Variants in PKD1 observed in about 807,000 individuals in gnomAD.
PKD1 encodes polycystin-1.
In PKD1, 81 loss-of-function variants were observed where a neutral mutation model predicts 361.7. The observed-to-expected ratio is 0.22, with a 90% confidence interval of 0.19 to 0.27. PKD1 has a LOEUF of 0.27. Among genes scored for constraint, PKD1 ranks in the 10% least tolerant of loss-of-function variants. PKD1 has a pLI of 1.00. For missense variants in PKD1, 6,399 were observed against 6,118.3 expected (o/e 1.05, Z -1.53); for synonymous variants, 3,615 against 2,818.3 (o/e 1.28, Z -8.95).
At chr16:2,094,650 CAT>C (rs2091767040) in intron 34 of PKD1, 1 of 245,380 alleles carries the variant, frequency 4.1e-6, no homozygotes, top group Admixed American at 5.2e-5. Flanking sequence ...GACAAGGAAA[CAT>C]ATGAATGCCT....
At chr16:2,097,658 G>A (rs2091901529) in intron 32 of PKD1, 70 bp downstream of exon 32, 2 of 1,610,566 alleles carry the variant, frequency 1.2e-6, no homozygotes, top group Non-Finnish European at 1.7e-6. Flanking sequence ...AGGACACGCA[G>A]CCCGCACACC....
Position 2,106,558 on chromosome 16 carries a change from T to G in PKD1, c.7329A>C (p.Gly2443=). The change falls in exon 18 of 46, where the codon GGA becomes GGC. Residue 2443 remains glycine, a synonymous_variant. Coordinates refer to ENST00000262304, the MANE Select transcript of PKD1 (RefSeq NM_001009944.3). The surrounding 1 kb of genome is among the most constrained non-coding windows in gnomAD (Gnocchi z 6.5). ...LRRGVLRDGE[G]YTFTLTVLGR... The stretch of plus-strand genomic sequence containing the variant: ...CCAGCACCGTGAGCGTGAAGGTGTA[T>G]CCCTCGCCGTCCCGCAGCACGCCCC... The G allele has an allele frequency of 6.3e-7, 1 of 1,595,960 alleles. No individual in the cohort carries two copies. Among genetic ancestry groups the G allele is most frequent in the Non-Finnish European group, 8.5e-7 (1 of 1,178,772 alleles).
chr16:2,093,329 G>A (rs1370875097), intron 37 of PKD1: 3 of 672,632 alleles, frequency 4.5e-6, no homozygotes, highest in Non-Finnish European at 7.6e-6. Flanking sequence ...TCAGGGCCAG[G>A]CAGGAGTGGG....
intron 34 of PKD1, among the ~76,000 whole-genome samples, chr16:2,095,644 C>T (rs1201547221): frequency 6.6e-6 from 1 of 152,206 alleles, no homozygotes. Context: ...ACGGGACGCG[C>T]TGGAGGCTGC....
chr16:2,091,289 GGGCCC>G, intron 42 of PKD1, 115 bp from the exon 43 acceptor site: 1 of 379,686 alleles, frequency 2.6e-6, no homozygotes, highest in Non-Finnish European at 3.8e-6. Context: ...TGCCGGGGCG[GGGCCC>G]TGCGAGGGGG....
At position 2,111,596 on chromosome 16, in the gene PKD1, G is replaced by C. The variant is rs538015409; in HGVS notation, c.3571C>G (p.Leu1191Val). Reference protein sequence around the residue: ...YASRGTYHVRLEVNNTVSGAA... With the variant: ...YASRGTYHVRVEVNNTVSGAA... ...CCGCTCACCGTGTTGTTGACCTCCA[G>C]GCGCACGTGGTAGGTGCCCCTCGAG... The change falls in exon 15 of 46, where the codon CTG (leucine) becomes GTG (valine). Residue 1191 changes from leucine to valine, a missense_variant. Physicochemically the swap from Leu to Val is conservative, Grantham distance 32. Transcript: ENST00000262304. The C allele has an allele frequency of 2.4e-5, 38 of 1,573,206 alleles. 1 individual carries two copies. The South Asian group carries it at 4.3e-4, about 18-fold the overall frequency.
At position 2,100,681 on chromosome 16, in the gene PKD1, C is replaced by T. The variant is rs1308607476; in HGVS notation, c.9398-115G>A. On this transcript the variant is annotated intron_variant, in intron 26 of 45. Coordinates refer to ENST00000262304, the MANE Select transcript of PKD1 (RefSeq NM_001009944.3). This position sits in a 1 kb window ranked among gnomAD's most constrained non-coding sequence, Gnocchi z 4.4. The stretch of plus-strand genomic sequence containing the variant: ...GCACTCAAGGAGCCACACAGGCAGT[C>T]CCGGCTTTGCACGGCTCTGCCATAC... 1.2e-6 allele frequency: 1 copy of T among 868,902 alleles called. No homozygotes were observed. The highest frequency in any genetic ancestry group is 1.9e-6 in the Non-Finnish European group (1 of 540,286). 53.8% of individuals were successfully genotyped at this position (868,902 alleles called of 1,614,324 possible).
intron 37 of PKD1, 157 bp from the exon 38 acceptor site, chr16:2,093,250 G>T: frequency 1.1e-6 from 1 of 869,940 alleles, no homozygotes; most frequent in Non-Finnish European, 1.8e-6. Context: ...GGTAATGGCA[G>T]CACACACCCT....
Position 2,109,846 on chromosome 16 carries a change from G to A in PKD1, c.5321C>T (p.Pro1774Leu), listed in dbSNP as rs1237465729. 1 of 1,610,574 alleles carries A rather than the reference G, an allele frequency of 6.2e-7. No individual in the cohort carries two copies. Among genetic ancestry groups the A allele is most frequent in the Non-Finnish European group, 8.5e-7 (1 of 1,179,852 alleles). ...EPFTTHSFPT[P>L]GLHLVTMTAG... ...CGTCATGGTGACCAAGTGCAGGCCG[G>A]GTGTGGGGAAGCTATGGGTGGTAAA... The change falls in exon 15 of 46, where the codon CCC becomes CTC. Residue 1774 changes from proline to leucine, a missense_variant. By Grantham distance (98) the Pro-to-Leu change is moderately conservative (BLOSUM62 -3). Transcript: ENST00000262304.
chr16:2,109,271 C>A lies in PKD1; in HGVS notation c.5896G>T (p.Val1966Leu), dbSNP rs779086418. The part of the protein sequence containing the change: ...VSWAQAQVRI[V>L]VLEAVSGLQV... ...AGCCCACTCACGGCCTCCAGCACCA[C>A]GATGCGCACCTGCGCCTGGGCCCAG... Residue 1966 changes from valine (V) to leucine (L), a missense_variant, in exon 15 of 46, where the codon GTG becomes TTG. Val to Leu is a conservative substitution (Grantham distance 32). Coordinates refer to ENST00000262304, the MANE Select transcript of PKD1 (RefSeq NM_001009944.3). The A allele has an allele frequency of 5.7e-6, 9 of 1,583,612 alleles. No individual in the cohort carries two copies. Among genetic ancestry groups the A allele is most frequent in the Non-Finnish European group, 7.7e-6 (9 of 1,165,914 alleles).
rs770197379 is a variant in PKD1, at chr16:2,112,397, G to C, written c.3238C>G (p.Pro1080Ala). Residue 1080 changes from proline (P) to alanine (A), a missense_variant, in exon 14 of 46, where the codon CCC becomes GCC. Coordinates refer to ENST00000262304, the MANE Select transcript of PKD1 (RefSeq NM_001009944.3). ...PYNESFPVPD[P>A]SVAQVLVEHN... is the part of the protein sequence containing the mutation. ...TCCACCAGCACCTGGGCCACCGAGG[G>C]GTCTGGAACCGGGAAGGACTCGTTG... The C allele has an allele frequency of 3.8e-6, 6 of 1,587,198 alleles. No individual in the cohort carries two copies. Among genetic ancestry groups the C allele is most frequent in the Non-Finnish European group, 5.1e-6 (6 of 1,174,030 alleles).
At position 2,106,335 on chromosome 16, in the gene PKD1, G is replaced by C. The variant is rs528858096; in HGVS notation, c.7490-31C>G. ...GGACGGTCCCCACGGCATCACGGGAGGGCTCCGTGACGTCACAGAGTCGGG... is the reference window on the plus strand; with the variant it reads ...GGACGGTCCCCACGGCATCACGGGACGGCTCCGTGACGTCACAGAGTCGGG... On this transcript the variant is annotated intron_variant, in intron 18 of 45. Transcript: ENST00000262304. This position sits in a 1 kb window ranked among gnomAD's most constrained non-coding sequence, Gnocchi z 6.5. 12 of 1,601,956 alleles carry C rather than the reference G, an allele frequency of 7.5e-6. No homozygotes were observed. Among genetic ancestry groups the C allele is most frequent in the East Asian group, 4.5e-5 (2 of 44,710 alleles).
Position 2,091,048 on chromosome 16 carries a change from C to CCGCCGTCAG in PKD1, c.11830_11838dup (p.Leu3944_Ala3946dup). 1 of 1,525,066 alleles carries CCGCCGTCAG rather than the reference C, an allele frequency of 6.6e-7. No homozygotes were observed. Among genetic ancestry groups the CCGCCGTCAG allele is most frequent in the Non-Finnish European group, 8.8e-7 (1 of 1,141,454 alleles). 94.5% of individuals were successfully genotyped at this position (1,525,066 alleles called of 1,614,324 possible). On this transcript the variant is annotated inframe_insertion, in exon 43 of 46. Transcript: ENST00000262304. ...TGGGCGAGGCGTACCAGTGCCGTGG[C>CCGCCGTCAG]CGCCGTCAGCGCCACCAGCAGCCAC...
rs535303719 is a variant in PKD1, at chr16:2,114,374, G to T, written c.2649C>A (p.Pro883=). The change falls in exon 11 of 46, where the codon CCC becomes CCA. Residue 883 remains proline (P), a synonymous_variant. Transcript: ENST00000262304. ...VCPALVATFV[P]GCPWETNDTL... Reference sequence around the variant, plus strand: ...TATCGTTGGTCTCCCAGGGGCAGCCGGGCACGAAGGTGGCCACCAGGGCAG... The same window carrying T: ...TATCGTTGGTCTCCCAGGGGCAGCCTGGCACGAAGGTGGCCACCAGGGCAG... The T allele has an allele frequency of 1.2e-6, 2 of 1,609,294 alleles. No individual in the cohort carries two copies. Among genetic ancestry groups the T allele is most frequent in the East Asian group, 4.5e-5 (2 of 44,866 alleles).
chr16:2,108,290 G>T lies in PKD1; in HGVS notation c.6877C>A (p.Pro2293Thr). The T allele has an allele frequency of 6.2e-7, 1 of 1,601,716 alleles. No homozygotes were observed. The highest frequency in any genetic ancestry group is 1.1e-5 in the South Asian group (1 of 90,422). Residue 2293 changes from proline (P) to threonine (T), a missense_variant, in exon 15 of 46, where the codon CCG (proline) becomes ACG (threonine). Transcript: ENST00000262304. ...ACACAGGCCCAGTGGAAACTGAGCG[G>T]CGTCTGGTCGCCGTCCTCCAGGTTG... ...DPNLEDGDQT[P>T]LSFHWACVAS...
At position 2,110,496 on chromosome 16, in the gene PKD1, G is replaced by A. The variant is rs2092473733; in HGVS notation, c.4671C>T (p.Arg1557=). 1 of 1,612,218 alleles carries A rather than the reference G, an allele frequency of 6.2e-7. No homozygotes were observed. Among genetic ancestry groups the A allele is most frequent in the African/African-American group, 1.3e-5 (1 of 74,928 alleles). Residue 1557 remains arginine (R), a synonymous_variant, in exon 15 of 46, where the codon CGC becomes CGT. Coordinates refer to ENST00000262304, the MANE Select transcript of PKD1 (RefSeq NM_001009944.3). ...RVRGLVVNAS[R]TVVPLNGSVS... ...CGCTCCCATTCAGGGGCACCACCGT[G>A]CGGCTTGCATTGACGACGAGCCCCC...
rs147178192 is a variant in PKD1 at position 2,102,620 on chromosome 16, C to A, written c.8962G>T (p.Ala2988Ser). The stretch of plus-strand genomic sequence containing the variant: ...GAGAGGTTCAGATGGTAACTCCCCG[C>A]TGGGTCTCTGCTCCTGGGCAGGGAA... Reference protein sequence around the residue: ...FFISPGSRDPAGSYHLNLSSH... With the variant: ...FFISPGSRDPSGSYHLNLSSH... Residue 2988 changes from alanine to serine, a missense_variant, in exon 25 of 46, where the codon GCG becomes TCG. Coordinates refer to ENST00000262304, the MANE Select transcript of PKD1 (RefSeq NM_001009944.3). 1 of 1,611,040 alleles carries A rather than the reference C, an allele frequency of 6.2e-7. No homozygotes were observed. Among genetic ancestry groups the A allele is most frequent in the Non-Finnish European group, 8.5e-7 (1 of 1,179,802 alleles).
intron 10 of PKD1, 93 bp from the exon 11 acceptor site, chr16:2,115,018 C>T (rs531438550): frequency 1.6e-5 from 24 of 1,513,852 alleles, no homozygotes; most frequent in South Asian, 6.2e-5. Flanking sequence ...CAGGGCTCCC[C>T]GCTTCGTCAG....
intron 39 of PKD1, 138 bp downstream of exon 39, chr16:2,092,342 T>C: frequency 4.0e-6 from 4 of 990,092 alleles, no homozygotes; most frequent in South Asian, 1.5e-5. Flanking sequence ...ATCTCTCATA[T>C]ACAGAGAAGG....
Sources: gnomAD v4.1 joint callset for allele counts (sites outside exome capture counted in the v4.1 genomes callset) on GRCh38, gnomAD v4.1.1 for gene constraint, Gnocchi (gnomAD v3.1) non-coding constraint, MANE v1.5 for transcripts, NCBI Gene and HGNC (gene_info 2026-07-23, HGNC 2026-07-21) for gene names.